Variants in STAB2 observed in about 807,000 individuals in gnomAD.
The protein encoded by STAB2 is stabilin 2.
In STAB2, 288 loss-of-function variants were observed where a neutral mutation model predicts 338.1. The ratio of observed to expected loss-of-function variants is 0.85; its 90% confidence interval spans 0.77 to 0.94. The LOEUF is 0.94. STAB2 is among the 40% of genes least tolerant of loss of function. The probability of loss-of-function intolerance (pLI) is 0.00; values close to 1 mark genes in which losing one functional copy is unlikely to be tolerated. For missense variants in STAB2, 3,141 were observed against 3,210.1 expected, an observed-to-expected ratio of 0.98 and a Z score of 0.52; for synonymous variants, 1,202 against 1,193.3, an observed-to-expected ratio of 1.01 and a Z score of -0.15.
chr12:103,654,691 A>C lies in STAB2; in HGVS notation c.1544A>C (p.Asn515Thr), dbSNP rs2138744499. Residue 515 changes from asparagine to threonine, a missense_variant, in exon 13 of 69, where the codon AAC becomes ACC. Coordinates refer to ENST00000388887, the MANE Select transcript of STAB2 (RefSeq NM_017564.10). ...AAGTTAGAACCCACATTTGAGAGCAACAATGAGGTGAGTATTCAGATAAAA... is the reference window on the plus strand; with the variant it reads ...AAGTTAGAACCCACATTTGAGAGCACCAATGAGGTGAGTATTCAGATAAAA... The part of the protein sequence containing the change: ...MDKLEPTFES[N>T]NEQTIMTMLQ... 1 of 1,613,724 alleles carries C rather than the reference A, an allele frequency of 6.2e-7. No homozygotes were observed. Among genetic ancestry groups the C allele is most frequent in the South Asian group, 1.1e-5 (1 of 90,936 alleles).
At chr12:103,746,018 G>A (rs746772918) in intron 57 of STAB2, among the ~76,000 whole-genome samples, 40 of 152,272 alleles carry the variant, frequency 2.6e-4, no homozygotes, top group Non-Finnish European at 4.6e-4. Flanking sequence ...AGGGCATGGC[G>A]AGGCCCTACC....
intron 11 of STAB2, 80 bp from the exon 12 acceptor site, chr12:103,652,476 G>C (rs764493844): frequency 7.4e-7 from 1 of 1,356,104 alleles, no homozygotes; most frequent in Non-Finnish European, 9.8e-7. Flanking sequence ...TGATGTCTTT[G>C]ATAATAAGTA....
Position 103,730,156 on chromosome 12 carries a change from G to C in STAB2, c.5123G>C (p.Ser1708Thr), listed in dbSNP as rs1418727706. The C allele has an allele frequency of 6.2e-7, 1 of 1,612,586 alleles. No homozygotes were observed. Among genetic ancestry groups the C allele is most frequent in the Non-Finnish European group, 8.5e-7 (1 of 1,179,428 alleles). The change falls in exon 49 of 69, where the codon AGT becomes ACT. Residue 1708 changes from serine (S) to threonine (T), a missense_variant. Physicochemically the swap from Ser to Thr is moderately conservative, Grantham distance 58. Transcript: ENST00000388887. ...YINNKAKIIS[S>T]DIISTNGIVH... ...AACAATAAGGCTAAGATCATATCCAGTGATATCATCAGTACTAATGGGATT... is the reference window on the plus strand; with the variant it reads ...AACAATAAGGCTAAGATCATATCCACTGATATCATCAGTACTAATGGGATT...
Position 103,663,191 on chromosome 12 carries a change from T to C in STAB2, c.2022+193T>C, listed in dbSNP as rs535283418. ...CTCATAAACTGTGAACCACAGTTCC[T>C]TGGGGAATTTCCGCAATGATAGATG... On this transcript the variant is annotated intron_variant, in intron 18 of 68. Transcript: ENST00000388887. Among the ~76,000 whole-genome samples, 4 of 152,322 alleles carry C rather than the reference T, an allele frequency of 2.6e-5. No homozygotes were observed. In the East Asian group the frequency reaches 7.7e-4, roughly 29 times the overall value.
chr12:103,590,700 A>G (rs899132621), intron 1 of STAB2, among the ~76,000 whole-genome samples, 197 bp from the exon 2 acceptor site: 2 of 152,156 alleles, frequency 1.3e-5, no homozygotes, highest in Non-Finnish European at 2.9e-5. Context: ...CATGGCAGAC[A>G]TTGCTTATTA....
chr12:103,718,741 A>G (rs1880527336), intron 44 of STAB2, among the ~76,000 whole-genome samples: 1 of 152,208 alleles, frequency 6.6e-6, no homozygotes, highest in Non-Finnish European at 1.5e-5. Flanking sequence ...AAGGTATTTA[A>G]CTATAGGAAT....
chr12:103,659,091 A>T (rs567478418), intron 15 of STAB2, among the ~76,000 whole-genome samples: 1 of 152,386 alleles, frequency 6.6e-6, no homozygotes, highest in South Asian at 2.1e-4. Flanking sequence ...TGCAGAAAGC[A>T]TCACTTCCAG....
intron 3 of STAB2, among the ~76,000 whole-genome samples, chr12:103,617,749 G>A (rs1957232928): frequency 6.6e-6 from 1 of 152,114 alleles, no homozygotes; most frequent in South Asian, 2.1e-4. Flanking sequence ...CCACAAACAT[G>A]CCTGTTACCT....
At position 103,643,267 on chromosome 12, in the gene STAB2, C is replaced by A. The variant is rs76562073; in HGVS notation, c.1040+3011C>A. Among the ~76,000 whole-genome samples the A allele has an allele frequency of 7.8e-3, 1,193 of 152,246 alleles. 68 individuals carry two copies. In the East Asian group the frequency reaches 0.15, roughly 20 times the overall value. The stretch of plus-strand genomic sequence containing the variant: ...AGGCCATGCTTCCTAATAATACCAT[C>A]ACACTGTGGGTTAGGATTTCAACAT... On this transcript the variant is annotated intron_variant, in intron 9 of 68. Coordinates refer to ENST00000388887, the MANE Select transcript of STAB2 (RefSeq NM_017564.10).
intron 3 of STAB2, among the ~76,000 whole-genome samples, chr12:103,614,377 C>T (rs891776415): frequency 2.0e-5 from 3 of 152,170 alleles, no homozygotes; most frequent in Non-Finnish European, 4.4e-5. Context: ...AATTTTCTTT[C>T]ATTGCAACAT....
chr12:103,663,391 CCTT>C (rs1273625989), intron 18 of STAB2, among the ~76,000 whole-genome samples: 1 of 110,066 alleles, frequency 9.1e-6, no homozygotes, highest in Non-Finnish European at 2.0e-5. Context: ...TTCCTTGCCT[CCTT>C]CTGGATTCTG....
chr12:103,743,853 G>A (rs1882785496), intron 56 of STAB2, among the ~76,000 whole-genome samples: 1 of 152,200 alleles, frequency 6.6e-6, no homozygotes, highest in African/African-American at 2.4e-5. Context: ...AGAGGAGGAA[G>A]AGAGGAAGAG....
intron 12 of STAB2, among the ~76,000 whole-genome samples, chr12:103,653,901 G>A (rs1416040691): frequency 6.6e-6 from 1 of 151,026 alleles, no homozygotes; most frequent in Non-Finnish European, 1.5e-5. Flanking sequence ...GAGGATGCAT[G>A]GATAGGTGGA....
rs759421572 is a variant in STAB2 at position 103,740,597 on chromosome 12, T to TAA, written c.5755-32_5755-31dup. On this transcript the variant is annotated intron_variant, in intron 54 of 68. Transcript: ENST00000388887. Reference sequence around the variant, plus strand: ...CCCAGAGCCCTAGTCCCTGCAGTGGTAAGTGAAGGGATGGTCCACTCTCTT... The same window carrying TAA: ...CCCAGAGCCCTAGTCCCTGCAGTGGTAAAAGTGAAGGGATGGTCCACTCTCTT... 7.5e-6 allele frequency: 12 copies of TAA among 1,605,072 alleles called. No individual in the cohort carries two copies. The East Asian group carries it at 2.0e-4, about 27-fold the overall frequency.
At chr12:103,665,970 G>A (rs1188751189) in intron 18 of STAB2, among the ~76,000 whole-genome samples, 1 of 152,212 alleles carries the variant, frequency 6.6e-6, no homozygotes, top group Non-Finnish European at 1.5e-5. Flanking sequence ...TCAGGGGCAG[G>A]TGCCTCCCTG....
intron 39 of STAB2, 25 bp from the exon 40 acceptor site, chr12:103,711,446 G>A (rs954198493): frequency 1.2e-6 from 2 of 1,613,890 alleles, no homozygotes; most frequent in African/African-American, 2.7e-5. Context: ...AGAGGGCTAA[G>A]ACAGCAACTG....
At position 103,627,889 on chromosome 12, in the gene STAB2, C is replaced by A. The variant is rs146352476; in HGVS notation, c.488-3709C>A. Among the ~76,000 whole-genome samples the A allele has an allele frequency of 6.9e-3, 1,050 of 152,352 alleles. 13 individuals are homozygous for A. The highest frequency in any genetic ancestry group is 0.024 in the African/African-American group (978 of 41,584). On this transcript the variant is annotated intron_variant, in intron 5 of 68. Coordinates refer to ENST00000388887, the MANE Select transcript of STAB2 (RefSeq NM_017564.10). Reference sequence around the variant, plus strand: ...GTATCTCCTAGAGCCTGGCTTCCCACTACACTGTGAGCTCCTGGACTTTAG... The same window carrying A: ...GTATCTCCTAGAGCCTGGCTTCCCAATACACTGTGAGCTCCTGGACTTTAG...
At chr12:103,732,261 A>G (rs1881690152) in intron 50 of STAB2, among the ~76,000 whole-genome samples, 1 of 152,316 alleles carries the variant, frequency 6.6e-6, no homozygotes, top group South Asian at 2.1e-4. Flanking sequence ...GTAAGCTGAG[A>G]TCGCACCACT....
chr12:103,605,633 A>G (rs1957016780), intron 3 of STAB2, among the ~76,000 whole-genome samples: 1 of 151,988 alleles, frequency 6.6e-6, no homozygotes, highest in African/African-American at 2.4e-5. Context: ...CGTTTCATGT[A>G]CTTTGAAAAT....
Sources: gnomAD v4.1 joint callset for allele counts (sites outside exome capture counted in the v4.1 genomes callset) on GRCh38, gnomAD v4.1.1 for gene constraint, MANE v1.5 for transcripts, NCBI Gene and HGNC (gene_info 2026-07-23, HGNC 2026-07-21) for gene names.